The following MNAT1 variants were observed in gnomAD, a reference collection of about 807,000 sequenced individuals.
The protein encoded by MNAT1 is CDK-activating kinase assembly factor MAT1.
MNAT1 carries 43 observed loss-of-function variants against 42.0 expected under a neutral mutation model. That is an observed-to-expected ratio of 1.02 (90% CI 0.80 to 1.32). The LOEUF (loss-of-function observed/expected upper bound fraction) is 1.32. MNAT1 is among the 40% of genes most tolerant of loss of function. The probability of loss-of-function intolerance (pLI) is 0.00; values close to 1 mark genes in which losing one functional copy is unlikely to be tolerated. For synonymous variants in MNAT1, 118 were observed against 120.0 expected, an observed-to-expected ratio of 0.98 and a Z score of 0.11; for missense variants, 306 against 350.4, an observed-to-expected ratio of 0.87 and a Z score of 1.01.
At chr14:60,889,227 G>T (rs1285084962) in intron 7 of MNAT1, among the ~76,000 whole-genome samples, 1 of 152,166 alleles carries the variant, frequency 6.6e-6, no homozygotes, top group African/African-American at 2.4e-5. Context: ...AACCAAAACG[G>T]CATGGCACTG....
intron 1 of MNAT1, among the ~76,000 whole-genome samples, chr14:60,738,776 C>A (rs548066703): frequency 3.3e-5 from 5 of 152,292 alleles, no homozygotes; most frequent in African/African-American, 9.6e-5. Flanking sequence ...CTCAGGTGAT[C>A]CACCCGCTTT....
At chr14:60,800,140 TA>T (rs2032155616) in intron 3 of MNAT1, among the ~76,000 whole-genome samples, 3 of 151,792 alleles carry the variant, frequency 2.0e-5, no homozygotes, top group Admixed American at 1.3e-4. Flanking sequence ...GTTATGTAAT[TA>T]AATACATATT....
At chr14:60,792,975 C>T (rs2031875209) in intron 1 of MNAT1, among the ~76,000 whole-genome samples, 1 of 151,802 alleles carries the variant, frequency 6.6e-6, no homozygotes, top group Non-Finnish European at 1.5e-5. Flanking sequence ...GCTCTGTTGC[C>T]AGATAAAATG....
intron 7 of MNAT1, among the ~76,000 whole-genome samples, chr14:60,882,983 A>G (rs1401417010): frequency 2.0e-5 from 3 of 152,134 alleles, no homozygotes; most frequent in Non-Finnish European, 2.9e-5. Flanking sequence ...TCTGGTTAAT[A>G]ATGCCTTGTC....
At chr14:60,860,164 A>G (rs1017054407) in intron 6 of MNAT1, among the ~76,000 whole-genome samples, 3 of 152,130 alleles carry the variant, frequency 2.0e-5, no homozygotes, top group African/African-American at 7.2e-5. Flanking sequence ...TAGTGATTTT[A>G]TCTTGTAATA....
intron 1 of MNAT1, among the ~76,000 whole-genome samples, chr14:60,747,233 C>G (rs1054529722): frequency 6.6e-6 from 1 of 151,822 alleles, no homozygotes; most frequent in Non-Finnish European, 1.5e-5. Flanking sequence ...ATCTGCCCGC[C>G]CTGGCCTCCC....
chr14:60,857,509 A>G (rs1387908821), intron 6 of MNAT1, among the ~76,000 whole-genome samples: 1 of 152,194 alleles, frequency 6.6e-6, no homozygotes, highest in Admixed American at 6.5e-5. Flanking sequence ...AGATGCTTTG[A>G]TTATTTTTAA....
chr14:60,891,456 G>GT (rs551603665), intron 7 of MNAT1, among the ~76,000 whole-genome samples: 245 of 145,558 alleles, frequency 1.7e-3, no homozygotes, highest in East Asian at 5.3e-3. Context: ...TGTTTTGTTT[G>GT]TTTTTTTTTT....
intron 7 of MNAT1, among the ~76,000 whole-genome samples, chr14:60,924,834 T>G (rs2035732928): frequency 1.3e-5 from 2 of 152,222 alleles, no homozygotes; most frequent in African/African-American, 4.8e-5. Flanking sequence ...TCTGTCCTGT[T>G]GCATTGCCTA....
At chr14:60,794,754 G>A (rs2031958525) in intron 1 of MNAT1, among the ~76,000 whole-genome samples, 1 of 145,790 alleles carries the variant, frequency 6.9e-6, no homozygotes, top group Non-Finnish European at 1.5e-5. Context: ...ATCAATGTTA[G>A]TATTTTACTA....
At chr14:60,810,794 G>A (rs942223291) in intron 4 of MNAT1, among the ~76,000 whole-genome samples, 1 of 152,142 alleles carries the variant, frequency 6.6e-6, no homozygotes. Context: ...AAAGTTCTGT[G>A]TGTGCTTGGG....
chr14:60,963,204 A>G (rs899048662), intron 7 of MNAT1, among the ~76,000 whole-genome samples: 1 of 151,602 alleles, frequency 6.6e-6, no homozygotes, highest in African/African-American at 2.4e-5. Context: ...CTGGTCTGGA[A>G]CTCCTGACCT....
At chr14:60,833,695 G>A (rs1255839481) in intron 6 of MNAT1, among the ~76,000 whole-genome samples, 1 of 152,154 alleles carries the variant, frequency 6.6e-6, no homozygotes, top group African/African-American at 2.4e-5. Context: ...CTCATAAAAT[G>A]GGTTAGGGAG....
At chr14:60,915,638 T>C (rs3783818) in intron 7 of MNAT1, among the ~76,000 whole-genome samples, 132,662 of 152,196 alleles carry the variant, frequency 0.87, 59,489 homozygotes, top group Non-Finnish European at 0.98. Context: ...TACTTCCTGG[T>C]AGTTTTATTA....
intron 6 of MNAT1, among the ~76,000 whole-genome samples, chr14:60,835,531 T>A (rs968186441): frequency 1.3e-5 from 2 of 152,222 alleles, no homozygotes; most frequent in Non-Finnish European, 2.9e-5. Flanking sequence ...ACATTCTGGG[T>A]TGAAATTTCT....
At chr14:60,743,375 G>A (rs1379901488) in intron 1 of MNAT1, among the ~76,000 whole-genome samples, 3 of 151,566 alleles carry the variant, frequency 2.0e-5, no homozygotes, top group Non-Finnish European at 2.9e-5. Flanking sequence ...TGCAGCCTCC[G>A]CCTCCCAGGT....
At chr14:60,932,429 G>A (rs1358609283) in intron 7 of MNAT1, among the ~76,000 whole-genome samples, 1 of 151,872 alleles carries the variant, frequency 6.6e-6, no homozygotes, top group African/African-American at 2.4e-5. Context: ...TTTAAAAGAG[G>A]TTTCCATTTT....
At chr14:60,947,263 C>A (rs984838650) in intron 7 of MNAT1, among the ~76,000 whole-genome samples, 1 of 152,074 alleles carries the variant, frequency 6.6e-6, no homozygotes, top group Non-Finnish European at 1.5e-5. Context: ...CAGAACTACT[C>A]CATTACAGTG....
At chr14:60,951,266 C>CTTTTT (rs33970682) in intron 7 of MNAT1, among the ~76,000 whole-genome samples, 3 of 87,882 alleles carry the variant, frequency 3.4e-5, no homozygotes, top group East Asian at 3.5e-4. Context: ...CTTCCCCTCC[C>CTTTTT]TTTTTTTTTT....
Sources: allele counts gnomAD v4.1 joint callset (sites outside exome capture counted in the v4.1 genomes callset), GRCh38; gene constraint gnomAD v4.1.1; transcripts MANE v1.5; gene names NCBI Gene and HGNC (gene_info 2026-07-23, HGNC 2026-07-21).